OGG1: variants seen among roughly 807,000 people sequenced by gnomAD.
OGG1 encodes the protein 8-oxoguanine DNA glycosylase, also known as N-glycosylase/DNA lyase.
A neutral mutation model predicts 42.3 loss-of-function variants in OGG1; 35 were observed. That is an observed-to-expected ratio of 0.83 (90% confidence interval 0.63 to 1.10). The LOEUF is 1.10. Ranked by LOEUF, OGG1 falls within the 50% of genes least tolerant of loss-of-function variation. The pLI, the probability that OGG1 is intolerant of heterozygous loss-of-function variation, is 0.00. For missense variants in OGG1, 484 were observed against 446.7 expected (o/e 1.08, Z -0.75); for synonymous variants, 189 against 179.0 (o/e 1.06, Z -0.44).
At position 9,779,620 on chromosome 3, in the gene OGG1, C is replaced by T. The variant is rs554593582; in HGVS notation, c.295-1893C>T. Among the ~76,000 whole-genome samples the T allele has an allele frequency of 3.9e-5, 6 of 151,994 alleles. No individual in the cohort carries two copies. In the South Asian group the frequency reaches 1.3e-3, roughly 32 times the overall value. ...TGTATACATATGTAACAAACCTGCA[C>T]GTTGTACACATGTACCCTAGAACTT... On this transcript the variant is annotated intron_variant, in intron 2 of 3. Transcript: ENST00000426518.
At chr3:9,750,722 C>T in intron 1 of OGG1, 1 of 701,546 alleles carries the variant, frequency 1.4e-6, no homozygotes. Context: ...CCTCGACCCC[C>T]CGGGCGCAGC....
At chr3:9,781,614 C>G (rs2078467443) in intron 3 of OGG1, 1 of 455,584 alleles carries the variant, frequency 2.2e-6, no homozygotes, top group Non-Finnish European at 4.4e-6. Context: ...GGTGAGACAC[C>G]AGATCAATCT....
intron 3 of OGG1, among the ~76,000 whole-genome samples, chr3:9,753,419 G>A (rs1346236858): frequency 2.6e-5 from 4 of 151,580 alleles, no homozygotes; most frequent in East Asian, 2.0e-4. Context: ...TTGGGAGGCC[G>A]AGGCGGGTGG....
chr3:9,761,019 C>T (rs2077838878), downstream of OGG1: 2 of 481,648 alleles, frequency 4.2e-6, no homozygotes, highest in South Asian at 4.7e-5. Flanking sequence ...TCTTTCCCCA[C>T]ACCTCCAATG....
intron 2 of OGG1, among the ~76,000 whole-genome samples, chr3:9,775,735 G>A (rs2078355786): frequency 6.6e-6 from 1 of 151,950 alleles, no homozygotes; most frequent in South Asian, 2.1e-4. Flanking sequence ...CACCTTCCAG[G>A]TTCAAGCAAT....
chr3:9,770,236 G>T (rs370168908), downstream of OGG1, among the ~76,000 whole-genome samples: 30 of 152,310 alleles, frequency 2.0e-4, no homozygotes, highest in African/African-American at 5.1e-4. Flanking sequence ...TTCGAACCCC[G>T]TCTGTCTGAA....
intron 3 of OGG1, chr3:9,787,405 A>G (rs1282279601): frequency 6.5e-7 from 1 of 1,537,038 alleles, no homozygotes; most frequent in Non-Finnish European, 8.7e-7. Context: ...TCATTCATTC[A>G]TTCACTTACC....
At chr3:9,789,712 C>T (rs1180492093), downstream of OGG1, 1 of 1,611,958 alleles carries the variant, frequency 6.2e-7, no homozygotes, top group South Asian at 1.1e-5. Flanking sequence ...TAGCCCAGAA[C>T]CTGTTGGGGG....
chr3:9,761,965 C>T (rs1559698619), downstream of OGG1: 6 of 623,240 alleles, frequency 9.6e-6, no homozygotes, highest in South Asian at 2.0e-5. Context: ...GGGGAACTGT[C>T]TCTAAACCTC....
chr3:9,788,624 A>T (rs1441648373), downstream of OGG1, among the ~76,000 whole-genome samples: 1 of 150,280 alleles, frequency 6.7e-6, no homozygotes, highest in Non-Finnish European at 1.5e-5. Flanking sequence ...ATTGCAACCG[A>T]TGCCTCCCCA....
At chr3:9,773,423 C>T (rs2078326239) in intron 2 of OGG1, among the ~76,000 whole-genome samples, 2 of 151,972 alleles carry the variant, frequency 1.3e-5, no homozygotes, top group Admixed American at 1.3e-4. Context: ...CGCCTGTAGT[C>T]CCAGCTAATC....
In OGG1 at chr3:9,787,265, G is replaced by T. The variant is rs369910263; in HGVS notation, c.383-463G>T. ...TTCTTGTCAGCCACAGCCGCTGCCC[G>T]GGCCCCATCCTTCTGCTCCTCCAGC... On this transcript the variant is annotated intron_variant, in intron 3 of 3. Coordinates refer to the OGG1 transcript ENST00000426518. 3.1e-6 allele frequency: 5 copies of T among 1,614,192 alleles called. No homozygotes were observed. The East Asian group carries it at 8.9e-5, about 29-fold the overall frequency.
downstream of OGG1, chr3:9,790,042 A>G (rs2078698119): frequency 6.8e-7 from 1 of 1,473,438 alleles, no homozygotes; most frequent in African/African-American, 1.4e-5. Context: ...ATAAATTAGG[A>G]TCTAGAATCT....
chr3:9,754,670 G>A, intron 3 of OGG1, 34 bp from the exon 4 acceptor site: 1 of 1,610,152 alleles, frequency 6.2e-7, no homozygotes, highest in Non-Finnish European at 8.5e-7. Context: ...ACTTGAAGAT[G>A]CCTGATGCTT....
chr3:9,768,565 G>A (rs1237173767), downstream of OGG1, among the ~76,000 whole-genome samples: 1 of 152,208 alleles, frequency 6.6e-6, no homozygotes, highest in Non-Finnish European at 1.5e-5. Context: ...GGCTCCAGAG[G>A]CCCTAATGAC....
At chr3:9,778,450 G>T (rs1213288566) in intron 2 of OGG1, among the ~76,000 whole-genome samples, 1 of 152,188 alleles carries the variant, frequency 6.6e-6, no homozygotes, top group Non-Finnish European at 1.5e-5. Flanking sequence ...AAGCAAACTA[G>T]TTTAAGCCAA....
downstream of OGG1, among the ~76,000 whole-genome samples, chr3:9,790,538 T>G (rs950963978): frequency 6.6e-6 from 1 of 152,206 alleles, no homozygotes; most frequent in Admixed American, 6.5e-5. Context: ...CATAAGCTAC[T>G]GAGGACCAGA....
Position 9,750,338 on chromosome 3 carries a change from T to TCC in OGG1, c.53_54dup (p.Thr19ProfsTer42). 1 of 1,613,974 alleles carries TCC rather than the reference T, an allele frequency of 6.2e-7. No individual in the cohort carries two copies. Among genetic ancestry groups the TCC allele is most frequent in the Non-Finnish European group, 8.5e-7 (1 of 1,180,012 alleles). ...GCGCATGGGGCATCGTACTCTAGCC[T>TCC]CCACTCCTGCCCTGTGGGCCTCCAT... is the stretch of plus-strand genomic sequence containing the variant. On this transcript the variant is annotated frameshift_variant, in exon 1 of 7. Coordinates refer to ENST00000344629, the MANE Select transcript of OGG1 (RefSeq NM_002542.6). LOFTEE classifies it high-confidence loss of function.
chr3:9,757,777 G>A, downstream of OGG1: 7 of 1,614,090 alleles, frequency 4.3e-6, no homozygotes, highest in Non-Finnish European at 5.9e-6. The surrounding 1 kb of genome is among the most constrained non-coding windows in gnomAD (Gnocchi z 4.5). Flanking sequence ...GTCTGCCCCT[G>A]CCCCTCCTGG....
Sources: gnomAD v4.1 joint callset for allele counts (sites outside exome capture counted in the v4.1 genomes callset) on GRCh38, gnomAD v4.1.1 for gene constraint, Gnocchi (gnomAD v3.1) non-coding constraint, MANE v1.5 for transcripts, NCBI Gene and HGNC (gene_info 2026-07-23, HGNC 2026-07-21) for gene names.